The following PUS7 variants were observed in gnomAD, a reference collection of about 807,000 sequenced individuals.
PUS7 encodes the protein pseudouridine synthase 7.
PUS7 carries 48 observed loss-of-function variants against 79.8 expected under a neutral mutation model. The ratio of observed to expected loss-of-function variants is 0.60; its 90% CI spans 0.48 to 0.76. PUS7 has a LOEUF of 0.76. PUS7 is among the 30% of genes least tolerant of loss of function. The probability of loss-of-function intolerance (pLI) is 0.00; values close to 1 mark genes in which losing one functional copy is unlikely to be tolerated. For missense variants in PUS7, 729 were observed against 797.6 expected, an observed-to-expected ratio of 0.91 and a Z score of 1.04; for synonymous variants, 286 against 272.2, an observed-to-expected ratio of 1.05 and a Z score of -0.50.
At chr7:105,475,393 G>A (rs1462474494) in intron 9 of PUS7, among the ~76,000 whole-genome samples, 1 of 151,970 alleles carries the variant, frequency 6.6e-6, no homozygotes, top group East Asian at 1.9e-4. Flanking sequence ...CACTGTGTTA[G>A]CCAGGATGGT....
At chr7:105,520,572 A>T (rs1046964663) in intron 1 of PUS7, among the ~76,000 whole-genome samples, 19 of 151,060 alleles carry the variant, frequency 1.3e-4, no homozygotes, top group Admixed American at 1.2e-3. Context: ...AAATACAAAA[A>T]TTAGCTGGGC....
At chr7:105,467,177 C>G (rs997767982) in intron 12 of PUS7, among the ~76,000 whole-genome samples, 2 of 151,544 alleles carry the variant, frequency 1.3e-5, no homozygotes, top group Non-Finnish European at 2.9e-5. Flanking sequence ...GGCTTAGTGC[C>G]AAGGCCTGGC....
intron 1 of PUS7, among the ~76,000 whole-genome samples, chr7:105,510,269 C>T (rs544491607): frequency 2.6e-5 from 4 of 151,508 alleles, no homozygotes; most frequent in Non-Finnish European, 4.4e-5. Context: ...CTTTGCACTC[C>T]AGCCTGGGCA....
chr7:105,494,143 A>G (rs1824906514), intron 6 of PUS7, among the ~76,000 whole-genome samples: 1 of 152,198 alleles, frequency 6.6e-6, no homozygotes, highest in South Asian at 2.1e-4. Context: ...CCAGTCTGGC[A>G]AAACCAACCT....
chr7:105,476,578 G>A lies in PUS7; in HGVS notation c.1176-4385C>T, dbSNP rs1318268121. On this transcript the variant is annotated intron_variant, in intron 9 of 15. Transcript: ENST00000469408. ...TCACCATGTTGGTCAGGCTGGTCTC[G>A]ATCTCTTGACCTCGTGATCTACCCA... Among the ~76,000 whole-genome samples, 9 of 152,066 alleles carry A rather than the reference G, an allele frequency of 5.9e-5. No individual in the cohort carries two copies. The East Asian group carries it at 7.7e-4, about 13-fold the overall frequency.
In PUS7 at chr7:105,508,428, C is replaced by T. The variant is rs2133256467; in HGVS notation, c.85G>A (p.Glu29Lys). The T allele has an allele frequency of 1.2e-6, 2 of 1,614,128 alleles. No individual in the cohort carries two copies. Among genetic ancestry groups the T allele is most frequent in the East Asian group, 4.5e-5 (2 of 44,874 alleles). ...TCCGACAGCTTCTGTTTTTTTGTCT[C>T]TTCAACTGGGACTCCACTGTCATTA... ...EDNDSGVPVE[E>K]TKKQKLSECS... The change falls in exon 2 of 16, where the codon GAG becomes AAG. Residue 29 changes from glutamate (E) to lysine (K), a missense_variant. By Grantham distance (56) the Glu-to-Lys change is moderately conservative (BLOSUM62 1). Coordinates refer to ENST00000469408, the MANE Select transcript of PUS7 (RefSeq NM_019042.5).
In PUS7 at chr7:105,522,243, G is replaced by A. The variant is rs1341502299; in HGVS notation, c.-224C>T. The A allele has an allele frequency of 6.6e-6, 1 of 151,654 alleles. No individual in the cohort carries two copies. The highest frequency in any genetic ancestry group is 1.5e-5 in the Non-Finnish European group (1 of 67,862). The allele number at this position is 151,654 out of a possible 1,614,324, so 9.4% of individuals were successfully genotyped here. ...CACCGGCGGCCGGGCTCGCACACGT[G>A]CGGCGCAGCGACGCGCCGCGGCCCG... On this transcript the variant is annotated 5_prime_UTR_variant, in exon 1 of 16. Coordinates refer to ENST00000469408, the MANE Select transcript of PUS7 (RefSeq NM_019042.5).
Position 105,495,129 on chromosome 7 carries a change from A to G in PUS7, c.842+13T>C. On this transcript the variant is annotated intron_variant, in intron 6 of 15. Transcript: ENST00000469408. ...TGCTTTGATTTTGTATAGGCATAAC[A>G]ACAGTAACTCACCTTAAGTATTTGG... 1 of 1,479,782 alleles carries G rather than the reference A, an allele frequency of 6.8e-7. No homozygotes were observed. The highest frequency in any genetic ancestry group is 9.4e-7 in the Non-Finnish European group (1 of 1,067,866). 91.7% of individuals were successfully genotyped at this position (1,479,782 alleles called of 1,614,324 possible). A position where few individuals can be genotyped will look rare whatever the true frequency, so the allele number is the denominator to read the frequency against.
chr7:105,465,274 AAACTTGTTTT>A (rs749455299), intron 13 of PUS7, 29 bp downstream of exon 13: 1 of 1,419,548 alleles, frequency 7.0e-7, no homozygotes, highest in Non-Finnish European at 9.9e-7. Context: ...TCATTATGTT[AAACTTGTTTT>A]AACTATTTTC....
chr7:105,499,662 T>C (rs927788412), intron 5 of PUS7, among the ~76,000 whole-genome samples: 1 of 152,168 alleles, frequency 6.6e-6, no homozygotes, highest in African/African-American at 2.4e-5. Context: ...TTTGTGGTGT[T>C]TGGGAACAAT....
chr7:105,502,881 G>A (rs1825312643), intron 4 of PUS7, among the ~76,000 whole-genome samples: 1 of 152,062 alleles, frequency 6.6e-6, no homozygotes, highest in Non-Finnish European at 1.5e-5. Context: ...TGTATTTTTA[G>A]TAGAGATGGG....
chr7:105,490,820 C>T (rs1824750916), intron 7 of PUS7, among the ~76,000 whole-genome samples: 3 of 152,182 alleles, frequency 2.0e-5, no homozygotes, highest in Admixed American at 2.0e-4. Flanking sequence ...CAATCGGGGG[C>T]AATTCTGGCC....
intron 9 of PUS7, among the ~76,000 whole-genome samples, chr7:105,477,286 C>T (rs915565136): frequency 6.6e-6 from 1 of 151,830 alleles, no homozygotes; most frequent in African/African-American, 2.4e-5. Context: ...TTCACTCTGT[C>T]GCCCAGGCTG....
At chr7:105,483,568 C>T (rs1043020806) in intron 7 of PUS7, among the ~76,000 whole-genome samples, 14 of 152,092 alleles carry the variant, frequency 9.2e-5, no homozygotes, top group African/African-American at 2.2e-4. Context: ...CACAGTGCTG[C>T]GATTACAGGC....
intron 9 of PUS7, among the ~76,000 whole-genome samples, chr7:105,480,342 G>A (rs1168442218): frequency 6.6e-6 from 1 of 151,862 alleles, no homozygotes; most frequent in African/African-American, 2.4e-5. Context: ...GGATGTGGTG[G>A]CAAAAGCCTG....
intron 9 of PUS7, among the ~76,000 whole-genome samples, chr7:105,476,000 A>AT (rs1371852007): frequency 1.3e-5 from 2 of 151,968 alleles, no homozygotes; most frequent in East Asian, 3.9e-4. Flanking sequence ...ATGCTTACCC[A>AT]CGTGATAGCA....
At chr7:105,519,198 G>T (rs1471952363) in intron 1 of PUS7, among the ~76,000 whole-genome samples, 2 of 151,800 alleles carry the variant, frequency 1.3e-5, no homozygotes, top group Admixed American at 6.6e-5. Context: ...TCACAATAGT[G>T]AGCATTTTCT....
chr7:105,470,155 G>A (rs1823814371), intron 11 of PUS7: 1 of 152,106 alleles, frequency 6.6e-6, no homozygotes, highest in African/African-American at 2.4e-5. Context: ...GTGCATCTAG[G>A]AAAAGTAAGA....
chr7:105,481,726 CTCAG>C (rs947656714), intron 8 of PUS7, among the ~76,000 whole-genome samples: 3 of 151,594 alleles, frequency 2.0e-5, no homozygotes, highest in Non-Finnish European at 2.9e-5. Context: ...GAATCACAGG[CTCAG>C]TGTCTTTTTT....
Sources: gnomAD v4.1 joint callset for allele counts (sites outside exome capture counted in the v4.1 genomes callset) on GRCh38, gnomAD v4.1.1 for gene constraint, MANE v1.5 for transcripts, NCBI Gene and HGNC (gene_info 2026-07-23, HGNC 2026-07-21) for gene names.